Variants in TMEM45A observed in about 807,000 individuals in gnomAD.
The protein encoded by TMEM45A is transmembrane protein 45A, also known as DNA polymerase-transactivated protein 4.
A neutral mutation model predicts 32.0 loss-of-function variants in TMEM45A; 25 were observed. The observed-to-expected ratio is 0.78, with a 90% CI of 0.57 to 1.09. The LOEUF is 1.09. TMEM45A is among the 50% of genes least tolerant of loss of function. The probability of loss-of-function intolerance (pLI) is 0.00; values close to 1 mark genes in which losing one functional copy is unlikely to be tolerated. For synonymous variants in TMEM45A, 122 were observed against 114.8 expected, an observed-to-expected ratio of 1.06 and a Z score of -0.40; for missense variants, 302 against 325.0, an observed-to-expected ratio of 0.93 and a Z score of 0.54.
At chr3:100,514,156 C>A (rs1708219132) in intron 1 of TMEM45A, among the ~76,000 whole-genome samples, 1 of 152,104 alleles carries the variant, frequency 6.6e-6, no homozygotes, top group South Asian at 2.1e-4. Flanking sequence ...AAAAAAGAGC[C>A]CGCATTGCCA....
chr3:100,509,274 C>T (rs993885417), intron 1 of TMEM45A, among the ~76,000 whole-genome samples: 1 of 152,078 alleles, frequency 6.6e-6, no homozygotes, highest in Non-Finnish European at 1.5e-5. Flanking sequence ...ATGAAAATGA[C>T]CAAAAGTAAT....
intron 1 of TMEM45A, among the ~76,000 whole-genome samples, chr3:100,520,912 A>G (rs1388627838): frequency 1.3e-5 from 2 of 152,168 alleles, no homozygotes; most frequent in Non-Finnish European, 2.9e-5. Context: ...GGGACCTGGA[A>G]GCAACCTTTG....
chr3:100,519,975 C>T (rs1705404774), intron 1 of TMEM45A, among the ~76,000 whole-genome samples: 5 of 152,132 alleles, frequency 3.3e-5, no homozygotes, highest in Admixed American at 3.3e-4. Context: ...CCATCCTTCC[C>T]ATCCATCCAT....
At chr3:100,562,201 T>G (rs1259117911) in intron 4 of TMEM45A, among the ~76,000 whole-genome samples, 1 of 130,194 alleles carries the variant, frequency 7.7e-6, no homozygotes, top group Non-Finnish European at 1.5e-5. Flanking sequence ...CAAGAAAAAC[T>G]TTTTTTTTTT....
chr3:100,539,522 T>C (rs1705822466), intron 1 of TMEM45A, among the ~76,000 whole-genome samples: 1 of 151,156 alleles, frequency 6.6e-6, no homozygotes, highest in Non-Finnish European at 1.5e-5. Flanking sequence ...TACGTATATG[T>C]GGGGAACCAT....
chr3:100,563,070 A>G (rs1706366752), intron 4 of TMEM45A, among the ~76,000 whole-genome samples: 1 of 152,222 alleles, frequency 6.6e-6, no homozygotes, highest in African/African-American at 2.4e-5. Flanking sequence ...TCTGAAATCA[A>G]GGTGTTGGCA....
At chr3:100,513,801 C>T (rs957816593) in intron 1 of TMEM45A, among the ~76,000 whole-genome samples, 1 of 152,096 alleles carries the variant, frequency 6.6e-6, no homozygotes, top group Non-Finnish European at 1.5e-5. Context: ...AATCAATGTG[C>T]AAAAATCACA....
intron 1 of TMEM45A, among the ~76,000 whole-genome samples, chr3:100,515,399 A>G (rs1708244384): frequency 6.7e-6 from 1 of 148,422 alleles, no homozygotes; most frequent in Non-Finnish European, 1.5e-5. Flanking sequence ...AACACCGCAT[A>G]TTCTCACTCA....
intron 1 of TMEM45A, among the ~76,000 whole-genome samples, chr3:100,509,589 C>T (rs1030103269): frequency 5.3e-5 from 8 of 152,180 alleles, no homozygotes; most frequent in East Asian, 1.9e-4. Flanking sequence ...TATAGATATA[C>T]GATGAAATAT....
chr3:100,564,946 A>C (rs1044078073), intron 4 of TMEM45A, among the ~76,000 whole-genome samples: 25 of 152,248 alleles, frequency 1.6e-4, no homozygotes, highest in African/African-American at 6.0e-4. Context: ...CCATATCAGA[A>C]CTGCTGAGAT....
At chr3:100,495,789 TG>T (rs1707915731) in intron 1 of TMEM45A, among the ~76,000 whole-genome samples, 1 of 152,122 alleles carries the variant, frequency 6.6e-6, no homozygotes, top group Non-Finnish European at 1.5e-5. Context: ...TTAAGTGGTC[TG>T]GTGCTCAGGG....
intron 1 of TMEM45A, among the ~76,000 whole-genome samples, chr3:100,520,443 AAGATGCTAGT>A (rs1282752737): frequency 8.5e-5 from 13 of 152,202 alleles, no homozygotes; most frequent in Admixed American, 2.6e-4. Context: ...GGGCTATGTT[AAGATGCTAGT>A]AGATGCTAGT....
At chr3:100,558,310 A>G in intron 3 of TMEM45A, 95 bp from the exon 4 acceptor site, 1 of 1,448,696 alleles carries the variant, frequency 6.9e-7, no homozygotes. Flanking sequence ...AAATGTGTGT[A>G]TGTGTAAAAT....
At chr3:100,569,986 C>T (rs1166335156) in intron 5 of TMEM45A, among the ~76,000 whole-genome samples, 1 of 152,152 alleles carries the variant, frequency 6.6e-6, no homozygotes, top group African/African-American at 2.4e-5. Context: ...GTGGTTAATG[C>T]TGAACCACAG....
intron 1 of TMEM45A, among the ~76,000 whole-genome samples, chr3:100,531,360 T>G (rs1705644374): frequency 6.6e-6 from 1 of 152,166 alleles, no homozygotes; most frequent in Non-Finnish European, 1.5e-5. Flanking sequence ...ACTCAGCATT[T>G]TTATCTCAAT....
chr3:100,565,590 T>C (rs1290340058), intron 4 of TMEM45A, among the ~76,000 whole-genome samples: 2 of 152,066 alleles, frequency 1.3e-5, no homozygotes, highest in East Asian at 3.9e-4. Flanking sequence ...TAATAATACA[T>C]CCTTGAAAAG....
At chr3:100,551,189 AT>A (rs758009646) in intron 1 of TMEM45A, among the ~76,000 whole-genome samples, 11 of 151,632 alleles carry the variant, frequency 7.3e-5, no homozygotes, top group Admixed American at 6.6e-5. Flanking sequence ...ACTTTTCTGT[AT>A]TTTTAGTGGA....
At chr3:100,511,516 A>C (rs1392132257) in intron 1 of TMEM45A, among the ~76,000 whole-genome samples, 1 of 152,066 alleles carries the variant, frequency 6.6e-6, no homozygotes, top group Non-Finnish European at 1.5e-5. Flanking sequence ...CCGCTGCAAA[A>C]TCATGCCAAA....
chr3:100,494,802 C>T (rs1436292757), intron 1 of TMEM45A, among the ~76,000 whole-genome samples: 2 of 152,162 alleles, frequency 1.3e-5, no homozygotes, highest in Non-Finnish European at 2.9e-5. Flanking sequence ...ACAACAGTAA[C>T]TTACCTAGGG....
Sources: gnomAD v4.1 joint callset for allele counts (sites outside exome capture counted in the v4.1 genomes callset) on GRCh38, gnomAD v4.1.1 for gene constraint, MANE v1.5 for transcripts, NCBI Gene and HGNC (gene_info 2026-07-23, HGNC 2026-07-21) for gene names.